OSBPL6: variants seen among roughly 807,000 people sequenced by gnomAD.
OSBPL6 encodes oxysterol-binding protein-related protein 6.
In OSBPL6, 49 loss-of-function variants were observed where a neutral mutation model predicts 125.8. That is an observed-to-expected ratio of 0.39 (90% confidence interval 0.31 to 0.49). The LOEUF (loss-of-function observed/expected upper bound fraction) is 0.49, where lower values mean the gene tolerates loss of function less well. Ranked by LOEUF, OSBPL6 falls within the 20% of genes least tolerant of loss-of-function variation. The pLI is 0.88. For synonymous variants in OSBPL6, 394 were observed against 391.8 expected (o/e 1.01, Z -0.07); for missense variants, 986 against 1,135.4 (o/e 0.87, Z 1.89).
At chr2:178,224,572 T>C (rs1185928853) in intron 1 of OSBPL6, among the ~76,000 whole-genome samples, 1 of 152,202 alleles carries the variant, frequency 6.6e-6, no homozygotes, top group African/African-American at 2.4e-5. Context: ...CCATTCAGAA[T>C]TATAGGACGC....
At chr2:178,268,301 C>T (rs1215430937) in intron 1 of OSBPL6, among the ~76,000 whole-genome samples, 2 of 152,050 alleles carry the variant, frequency 1.3e-5, no homozygotes, top group East Asian at 3.9e-4. Context: ...AGGCTGATCT[C>T]GAACTCCTGA....
At chr2:178,347,449 C>T (rs552993574) in intron 11 of OSBPL6, among the ~76,000 whole-genome samples, 2 of 152,310 alleles carry the variant, frequency 1.3e-5, no homozygotes, top group Admixed American at 1.3e-4. Flanking sequence ...CTCCCCATGA[C>T]ATCCTAATCT....
intron 2 of OSBPL6, among the ~76,000 whole-genome samples, chr2:178,305,392 G>T (rs1459350070): frequency 6.6e-6 from 1 of 152,182 alleles, no homozygotes; most frequent in Non-Finnish European, 1.5e-5. Flanking sequence ...AGTGGCTGTT[G>T]GCTGTGCATA....
intron 12 of OSBPL6, among the ~76,000 whole-genome samples, chr2:178,349,907 T>C (rs1174387511): frequency 6.6e-6 from 1 of 152,190 alleles, no homozygotes; most frequent in Non-Finnish European, 1.5e-5. Context: ...GTAGCTTCCC[T>C]CCTGTGCCTA....
At chr2:178,383,823 A>G (rs555296045) in intron 17 of OSBPL6, among the ~76,000 whole-genome samples, 124 of 152,310 alleles carry the variant, frequency 8.1e-4, no homozygotes, top group African/African-American at 2.8e-3. Context: ...GCTTCACCTC[A>G]GTGGCCTGCT....
intron 1 of OSBPL6, among the ~76,000 whole-genome samples, chr2:178,282,726 A>C (rs559165993): frequency 6.6e-6 from 1 of 152,200 alleles, no homozygotes; most frequent in South Asian, 2.1e-4. Context: ...ATCTCAGCTC[A>C]CTTCAATTTC....
chr2:178,367,114 T>TA (rs1301682713), intron 13 of OSBPL6, among the ~76,000 whole-genome samples: 1 of 152,098 alleles, frequency 6.6e-6, no homozygotes, highest in Non-Finnish European at 1.5e-5. Flanking sequence ...AATAACTGCT[T>TA]ATGTGCAAAG....
intron 16 of OSBPL6, 21 bp from the exon 17 acceptor site, chr2:178,383,003 C>A: frequency 6.2e-7 from 1 of 1,613,100 alleles, no homozygotes; most frequent in Non-Finnish European, 8.5e-7. Flanking sequence ...GTGTCCTTCA[C>A]TGTGACTCTC....
intron 11 of OSBPL6, among the ~76,000 whole-genome samples, chr2:178,342,632 T>A (rs1690317190): frequency 6.6e-6 from 1 of 152,208 alleles, no homozygotes; most frequent in South Asian, 2.1e-4. Context: ...AAGGATTTCT[T>A]CTTGCCTCCT....
rs1692373480 is a variant in OSBPL6 at position 178,361,677 on chromosome 2, C to T, written c.1154-5C>T. 6.2e-7 allele frequency: 1 copy of T among 1,613,544 alleles called. No individual in the cohort carries two copies. The highest frequency in any genetic ancestry group is 8.5e-7 in the Non-Finnish European group (1 of 1,179,724). On this transcript the variant is annotated splice_region_variant and splice_polypyrimidine_tract_variant and intron_variant, in intron 12 of 24. Coordinates refer to ENST00000190611, the MANE Select transcript of OSBPL6 (RefSeq NM_032523.4). ...CAGTTTTTTCTCACTTTTCTCCCCA[C>T]CCAGTGCATTCTCTTTTGAAGTCTG... is the stretch of plus-strand genomic sequence containing the variant.
chr2:178,336,660 A>C (rs903973231), intron 9 of OSBPL6, among the ~76,000 whole-genome samples: 1 of 152,064 alleles, frequency 6.6e-6, no homozygotes, highest in African/African-American at 2.4e-5. Context: ...ACAGCAGTTG[A>C]ATCTGGTTCT....
intron 1 of OSBPL6, among the ~76,000 whole-genome samples, chr2:178,209,535 C>T (rs1010857457): frequency 4.0e-5 from 6 of 149,556 alleles, no homozygotes; most frequent in African/African-American, 1.5e-4. Flanking sequence ...TTTCTGCTCC[C>T]TGCACAGGGA....
chr2:178,344,129 G>T (rs1041735903), intron 11 of OSBPL6, among the ~76,000 whole-genome samples: 32 of 152,128 alleles, frequency 2.1e-4, no homozygotes, highest in African/African-American at 7.7e-4. Context: ...CTCATAGCAT[G>T]AACTCCCCTG....
intron 1 of OSBPL6, among the ~76,000 whole-genome samples, chr2:178,231,959 C>G (rs953591698): frequency 6.6e-6 from 1 of 152,106 alleles, no homozygotes; most frequent in Non-Finnish European, 1.5e-5. Flanking sequence ...ACGGTTAATT[C>G]TTGTTGAAAT....
rs548039961 is a variant in OSBPL6, at chr2:178,217,453, C to T, written c.-351+22779C>T. 5.1e-4 allele frequency among the ~76,000 whole-genome samples: 77 copies of T among 152,156 alleles called. 1 individual carries two copies. The highest frequency in any genetic ancestry group is 2.1e-4 in the South Asian group (1 of 4,816). ...AGGTGTATACTCGGGGTTTTGTCAT[C>T]GCACGCCAGGAAAATTTAGCACACA... On this transcript the variant is annotated intron_variant, in intron 1 of 24. Transcript: ENST00000190611.
At chr2:178,217,027 G>A (rs1284853052) in intron 1 of OSBPL6, among the ~76,000 whole-genome samples, 3 of 152,170 alleles carry the variant, frequency 2.0e-5, no homozygotes, top group Non-Finnish European at 2.9e-5. Flanking sequence ...TGTGAATTTA[G>A]ATAGTAATAT....
intron 11 of OSBPL6, among the ~76,000 whole-genome samples, chr2:178,341,478 A>G (rs976722851): frequency 1.3e-5 from 2 of 152,102 alleles, no homozygotes; most frequent in Non-Finnish European, 2.9e-5. Context: ...GCTAGAAAAT[A>G]TTCATTCATA....
rs146812188 is a variant in OSBPL6, at chr2:178,294,049, T to A, written c.-156+8928T>A. ...CTAGGACTTGACAGTGAGTTCTTAG[T>A]CTTTAAAAAAATCCATTTGAGTATT... On this transcript the variant is annotated intron_variant, in intron 2 of 24. Transcript: ENST00000190611. Among the ~76,000 whole-genome samples the A allele has an allele frequency of 2.3e-3, 343 of 152,264 alleles. 1 individual carries two copies. The highest frequency in any genetic ancestry group is 0.01 in the Middle Eastern group (3 of 294).
chr2:178,396,357 C>T lies in OSBPL6; in HGVS notation c.*798C>T, dbSNP rs1384932102. The T allele has an allele frequency of 6.6e-6, 1 of 152,416 alleles. No homozygotes were observed. Among genetic ancestry groups the T allele is most frequent in the Non-Finnish European group, 1.5e-5 (1 of 68,196 alleles). 9.4% of individuals were successfully genotyped at this position (152,416 alleles called of 1,614,324 possible). On this transcript the variant is annotated 3_prime_UTR_variant, in exon 25 of 25. Coordinates refer to ENST00000190611, the MANE Select transcript of OSBPL6 (RefSeq NM_032523.4). ...TAAGTAGATCTCTGTATTTACGTGG[C>T]TCGTTAATTTCCTGTCCTGCGTCCA...
Sources: gnomAD v4.1 joint callset for allele counts (sites outside exome capture counted in the v4.1 genomes callset) on GRCh38, gnomAD v4.1.1 for gene constraint, MANE v1.5 for transcripts, NCBI Gene and HGNC (gene_info 2026-07-23, HGNC 2026-07-21) for gene names.